XKR4: variants seen among roughly 807,000 people sequenced by gnomAD.
XKR4 encodes the protein XK-related protein 4.
In XKR4, 12 loss-of-function variants were observed where a neutral mutation model predicts 53.9. The ratio of observed to expected loss-of-function variants is 0.22; its 90% CI spans 0.14 to 0.36. XKR4 has a LOEUF of 0.36. Among genes scored for constraint, XKR4 ranks in the 10% least tolerant of loss-of-function variants. The pLI is 1.00. For synonymous variants in XKR4, 354 were observed against 362.4 expected (o/e 0.98, Z 0.26); for missense variants, 799 against 859.5 (o/e 0.93, Z 0.88).
chr8:55,223,397 C>T (rs1817911227), intron 1 of XKR4, among the ~76,000 whole-genome samples: 1 of 152,164 alleles, frequency 6.6e-6, no homozygotes, highest in Non-Finnish European at 1.5e-5. Context: ...ATATGGGACA[C>T]TGTGGAAACT....
intron 1 of XKR4, among the ~76,000 whole-genome samples, chr8:55,349,339 C>T (rs368370859): frequency 2.6e-5 from 4 of 152,110 alleles, no homozygotes; most frequent in South Asian, 4.1e-4. Context: ...AGCGTTTTTG[C>T]TATGGTGAAT....
intron 1 of XKR4, among the ~76,000 whole-genome samples, chr8:55,207,681 T>G (rs114597549): frequency 1.9e-4 from 28 of 148,842 alleles, no homozygotes; most frequent in African/African-American, 6.7e-4. Context: ...TTGCTCCTAT[T>G]GAATTTTAGT....
chr8:55,454,685 T>A, intron 2 of XKR4: 1 of 906,490 alleles, frequency 1.1e-6, no homozygotes, highest in Non-Finnish European at 1.8e-6. Context: ...GGGAACACAT[T>A]CAGGCCCTCC....
intron 1 of XKR4, among the ~76,000 whole-genome samples, chr8:55,243,936 A>G (rs1006772749): frequency 6.6e-6 from 1 of 152,194 alleles, no homozygotes; most frequent in Non-Finnish European, 1.5e-5. Flanking sequence ...CACTAAATAA[A>G]CACAACAGTA....
intron 2 of XKR4, among the ~76,000 whole-genome samples, chr8:55,405,852 G>A (rs1323041406): frequency 6.6e-6 from 1 of 152,186 alleles, no homozygotes; most frequent in African/African-American, 2.4e-5. Flanking sequence ...GAGAATGTGT[G>A]TGATGGAAAT....
chr8:55,119,493 A>G (rs1816360306), intron 1 of XKR4, among the ~76,000 whole-genome samples: 1 of 152,082 alleles, frequency 6.6e-6, no homozygotes. Context: ...GGGGAGAGGG[A>G]GAGAAGGACA....
chr8:55,505,719 T>A (rs1806516989), intron 2 of XKR4, among the ~76,000 whole-genome samples: 1 of 152,230 alleles, frequency 6.6e-6, no homozygotes, highest in South Asian at 2.1e-4. Flanking sequence ...TTAGGACCTG[T>A]TTTGTGGCCT....
chr8:55,479,461 T>C (rs968355365), intron 2 of XKR4, among the ~76,000 whole-genome samples: 7 of 151,670 alleles, frequency 4.6e-5, no homozygotes, highest in African/African-American at 1.7e-4. Context: ...AGATCCAAAA[T>C]TGACACCCTA....
chr8:55,290,566 T>C (rs1167836873), intron 1 of XKR4, among the ~76,000 whole-genome samples: 1 of 152,158 alleles, frequency 6.6e-6, no homozygotes, highest in Non-Finnish European at 1.5e-5. Context: ...TTTTTCCCAG[T>C]GCTCTCCCTC....
chr8:55,416,900 C>A (rs1203905122), intron 2 of XKR4, among the ~76,000 whole-genome samples: 1 of 152,226 alleles, frequency 6.6e-6, no homozygotes, highest in Admixed American at 6.5e-5. Context: ...CATAATCACT[C>A]TGTTCTTAAA....
At chr8:55,465,779 CA>C (rs1397708328) in intron 2 of XKR4, among the ~76,000 whole-genome samples, 2 of 151,928 alleles carry the variant, frequency 1.3e-5, no homozygotes, top group African/African-American at 2.4e-5. Context: ...TGAACTCAAA[CA>C]AATTTACAAG....
chr8:55,414,588 G>T (rs918119408), intron 2 of XKR4, among the ~76,000 whole-genome samples: 6 of 150,618 alleles, frequency 4.0e-5, no homozygotes, highest in African/African-American at 1.5e-4. Context: ...TATAATCTCA[G>T]ATGTACTATA....
In XKR4 at chr8:55,421,562, C is replaced by T. The variant is rs186490831; in HGVS notation, c.1006+63685C>T. ...CTCTCTCTCTGTCTTTCCAGGGACA[C>T]GTCAACAGACAACAGGCCTGCATGC... On this transcript the variant is annotated intron_variant, in intron 2 of 2. Transcript: ENST00000327381. Among the ~76,000 whole-genome samples the T allele has an allele frequency of 9.3e-4, 141 of 152,250 alleles. 1 individual carries two copies. The highest frequency in any genetic ancestry group is 2.1e-4 in the Non-Finnish European group (14 of 68,018).
chr8:55,454,182 T>A, intron 2 of XKR4: 1 of 1,010,738 alleles, frequency 9.9e-7, no homozygotes. Flanking sequence ...TGCGTCTGAC[T>A]CTGCAGTGGC....
intron 1 of XKR4, among the ~76,000 whole-genome samples, chr8:55,218,031 G>A (rs1817829807): frequency 6.6e-6 from 1 of 152,114 alleles, no homozygotes; most frequent in Non-Finnish European, 1.5e-5. Flanking sequence ...TTTCAAAGCT[G>A]TTTGTCTCAA....
chr8:55,328,480 G>T (rs192183314), intron 1 of XKR4, among the ~76,000 whole-genome samples: 27 of 152,198 alleles, frequency 1.8e-4, no homozygotes, highest in Admixed American at 9.2e-4. Flanking sequence ...TGGAAAGTGT[G>T]GTCACTTTGA....
intron 2 of XKR4, among the ~76,000 whole-genome samples, chr8:55,431,074 C>T (rs930735848): frequency 6.6e-6 from 1 of 152,170 alleles, no homozygotes; most frequent in Non-Finnish European, 1.5e-5. Context: ...TCACAATTAT[C>T]TCAAAATGAA....
At chr8:55,134,722 C>A (rs112563279) in intron 1 of XKR4, among the ~76,000 whole-genome samples, 2 of 152,204 alleles carry the variant, frequency 1.3e-5, no homozygotes, top group Non-Finnish European at 2.9e-5. Context: ...ATATCTGTAA[C>A]CCTGCCTTGG....
At chr8:55,209,742 C>T (rs1481103323) in intron 1 of XKR4, among the ~76,000 whole-genome samples, 4 of 152,300 alleles carry the variant, frequency 2.6e-5, no homozygotes, top group East Asian at 1.9e-4. Flanking sequence ...CCAGGAGGCC[C>T]ATCCTCTTCT....
Sources: gnomAD v4.1 joint callset for allele counts (sites outside exome capture counted in the v4.1 genomes callset) on GRCh38, gnomAD v4.1.1 for gene constraint, MANE v1.5 for transcripts, NCBI Gene and HGNC (gene_info 2026-07-23, HGNC 2026-07-21) for gene names.